ADCY3: variants seen among roughly 807,000 people sequenced by gnomAD.
ADCY3 encodes the protein adenylate cyclase type 3.
A neutral mutation model predicts 119.4 loss-of-function variants in ADCY3; 70 were observed. The ratio of observed to expected loss-of-function variants is 0.59; its 90% confidence interval spans 0.48 to 0.72. The LOEUF (loss-of-function observed/expected upper bound fraction) is 0.72, where lower values mean the gene tolerates loss of function less well. ADCY3 is among the 30% of genes least tolerant of loss of function. The probability of loss-of-function intolerance (pLI) is 0.00; values close to 1 mark genes in which losing one functional copy is unlikely to be tolerated. For missense variants in ADCY3, 1,238 were observed against 1,541.6 expected (o/e 0.80, Z 3.30); for synonymous variants, 672 against 621.4 (o/e 1.08, Z -1.21).
intron 2 of ADCY3, among the ~76,000 whole-genome samples, chr2:24,912,605 ATGTG>A (rs72493229): frequency 3.3e-4 from 13 of 38,848 alleles, no homozygotes; most frequent in African/African-American, 3.3e-3. Context: ...GTGTGTGTGC[ATGTG>A]TGTGTGTGTG....
chr2:24,823,133 T>G, intron 18 of ADCY3, 76 bp downstream of exon 18: 1 of 1,511,388 alleles, frequency 6.6e-7, no homozygotes, highest in Non-Finnish European at 8.9e-7. Context: ...TTCTCTGGCC[T>G]CTGCAGCCTA....
At chr2:24,846,746 T>C (rs1671702557) in intron 3 of ADCY3, among the ~76,000 whole-genome samples, 1 of 152,066 alleles carries the variant, frequency 6.6e-6, no homozygotes, top group East Asian at 1.9e-4. Context: ...GCCCGGCTAA[T>C]TTTTGTATTT....
At chr2:24,820,961 T>C (rs978802013) in intron 20 of ADCY3, 113 bp from the exon 21 acceptor site, 11 of 1,445,882 alleles carry the variant, frequency 7.6e-6, no homozygotes, top group African/African-American at 4.2e-5. Flanking sequence ...AACACATCAT[T>C]GTCCTCATTC....
At position 24,857,898 on chromosome 2, in the gene ADCY3, G is replaced by A. The variant is rs7575342; in HGVS notation, c.825+14672C>T. On this transcript the variant is annotated intron_variant, in intron 3 of 21. Transcript: ENST00000679454. ...CCAGCTCCTGACATAGCACATACTC[G>A]TCTGTTTAATGTGTGTTGCCCACAC... Among the ~76,000 whole-genome samples, 802 of 151,386 alleles carry A rather than the reference G, an allele frequency of 5.3e-3. 6 individuals are homozygous for A. The highest frequency in any genetic ancestry group is 0.019 in the African/African-American group (775 of 41,100).
In ADCY3 at chr2:24,840,075, C is replaced by T. The variant is rs760855870; in HGVS notation, c.1197-44G>A. The T allele has an allele frequency of 3.3e-5, 52 of 1,573,752 alleles. No homozygotes were observed. In the East Asian group the frequency reaches 8.2e-4, roughly 25 times the overall value. On this transcript the variant is annotated intron_variant, in intron 6 of 21. Coordinates refer to ENST00000679454, the MANE Select transcript of ADCY3 (RefSeq NM_004036.5). ...AAGGAGGGTCAGGGTGTGGCCTTCA[C>T]GAGGCAGCCAGCTGCCCCTGCTCCT... is the stretch of plus-strand genomic sequence containing the variant.
intron 3 of ADCY3, among the ~76,000 whole-genome samples, chr2:24,851,887 T>A (rs958232296): frequency 6.6e-6 from 1 of 152,166 alleles, no homozygotes; most frequent in Non-Finnish European, 1.5e-5. Flanking sequence ...CGCGCGTTGT[T>A]CCATTTCTTC....
chr2:24,876,250 A>G (rs564789833), intron 2 of ADCY3, among the ~76,000 whole-genome samples: 1 of 152,340 alleles, frequency 6.6e-6, no homozygotes, highest in East Asian at 1.9e-4. Flanking sequence ...TCAGTTGCCC[A>G]AAACAATGGG....
In ADCY3 at chr2:24,826,094, G is replaced by A. The variant is rs912577401; in HGVS notation, c.2528C>T (p.Thr843Met). Reference sequence around the variant, plus strand: ...GAGCATCATGAGGAACACCATCACCGTCATAGAGTACTTGGAAGGCACCAG... The same window carrying A: ...GAGCATCATGAGGAACACCATCACCATCATAGAGTACTTGGAAGGCACCAG... ...LPLVPSKYSM[T>M]VMVFLMMLSF... is the part of the protein sequence containing the mutation. Residue 843 changes from threonine to methionine, a missense_variant, in exon 16 of 22, where the codon ACG (threonine) becomes ATG (methionine). Around this residue, in one of 7 missense-constraint regions of ADCY3, gnomAD observed 499 missense variants for 571.0 expected, o/e 0.87. Transcript: ENST00000679454. The A allele has an allele frequency of 9.3e-6, 15 of 1,614,110 alleles. No individual in the cohort carries two copies. The highest frequency in any genetic ancestry group is 2.2e-5 in the South Asian group (2 of 91,080).
chr2:24,825,819 C>T, intron 16 of ADCY3: 1 of 568,462 alleles, frequency 1.8e-6, no homozygotes, highest in Non-Finnish European at 3.1e-6. Context: ...ATGCTTCCTT[C>T]ACCATCCTGG....
chr2:24,853,821 G>A (rs1163830589), intron 3 of ADCY3, among the ~76,000 whole-genome samples: 1 of 152,076 alleles, frequency 6.6e-6, no homozygotes, highest in Non-Finnish European at 1.5e-5. Flanking sequence ...CTGGCACTGG[G>A]CATTTCATCG....
At chr2:24,850,826 C>A (rs1022429484) in intron 3 of ADCY3, among the ~76,000 whole-genome samples, 1 of 152,150 alleles carries the variant, frequency 6.6e-6, no homozygotes, top group Admixed American at 6.5e-5. Flanking sequence ...CATAATGAAA[C>A]AACAGTATTG....
At chr2:24,879,501 C>T (rs1457017168) in intron 2 of ADCY3, among the ~76,000 whole-genome samples, 1 of 149,396 alleles carries the variant, frequency 6.7e-6, no homozygotes, top group African/African-American at 2.5e-5. Context: ...ACATACCTCA[C>T]ACAGGGCTTG....
In ADCY3 at chr2:24,820,379, G is replaced by A. The variant is rs1667420120; in HGVS notation, c.3253-265C>T. On this transcript the variant is annotated intron_variant, in intron 21 of 21. Transcript: ENST00000679454. ...CCATGGTCACCTGGGTGGCAGCACT[G>A]TTACCTGGAAACTGCCACTGCCTGC... The A allele has an allele frequency of 6.1e-6, 8 of 1,316,478 alleles. No homozygotes were observed. In the South Asian group the frequency reaches 1.6e-4, roughly 26 times the overall value. The allele number at this position is 1,316,478 out of a possible 1,614,324, so 81.5% of individuals were successfully genotyped here. A position where few individuals can be genotyped will look rare whatever the true frequency, so the allele number is the denominator to read the frequency against.
intron 2 of ADCY3, among the ~76,000 whole-genome samples, chr2:24,913,249 A>G (rs1664019753): frequency 6.6e-6 from 1 of 152,160 alleles, no homozygotes; most frequent in African/African-American, 2.4e-5. Context: ...TCCTGTCCCG[A>G]TTCAGCCCCC....
chr2:24,868,359 A>G (rs1399348891), intron 3 of ADCY3, among the ~76,000 whole-genome samples: 2 of 152,252 alleles, frequency 1.3e-5, no homozygotes, highest in Non-Finnish European at 2.9e-5. Flanking sequence ...TAGGAAAGAA[A>G]GGCTGAAAAT....
At position 24,822,892 on chromosome 2, in the gene ADCY3, C is replaced by T. The variant is rs116997258; in HGVS notation, c.2884-262G>A. 3.5e-4 allele frequency among the ~76,000 whole-genome samples: 53 copies of T among 152,296 alleles called. 2 individuals are homozygous for T. In the East Asian group the frequency reaches 0.01, roughly 29 times the overall value. ...TCCGCGCGTGTGTAAAAGCATTCTC[C>T]CTGGTATACAGGTCACCCAGTCAAT... On this transcript the variant is annotated intron_variant, in intron 18 of 21. Transcript: ENST00000679454.
At chr2:24,837,430 G>C (rs1308946970) in intron 8 of ADCY3, among the ~76,000 whole-genome samples, 2 of 152,206 alleles carry the variant, frequency 1.3e-5, no homozygotes, top group African/African-American at 4.8e-5. Context: ...AGTTGTCAGA[G>C]ACAGCCTTTA....
chr2:24,826,241 C>T (rs959760995), intron 15 of ADCY3, 115 bp from the exon 16 acceptor site: 81 of 916,134 alleles, frequency 8.8e-5, no homozygotes, highest in Admixed American at 2.2e-4. Context: ...GAGCTCACCC[C>T]GGCTCCTTAG....
Position 24,842,684 on chromosome 2 carries a change from AGCAGTCCTGCGTGGGC to A in ADCY3, c.826-316_826-301del, listed in dbSNP as rs1353512413. ...AGCATCCTCGTGCCACAAGAAGCGCAGCAGTCCTGCGTGGGCTGCTGCACCGTGAGCCCTCCCGGCA... is the reference window on the plus strand; with the variant it reads ...AGCATCCTCGTGCCACAAGAAGCGCATGCTGCACCGTGAGCCCTCCCGGCA... On this transcript the variant is annotated intron_variant, in intron 3 of 21. Coordinates refer to ENST00000679454, the MANE Select transcript of ADCY3 (RefSeq NM_004036.5). The surrounding 1 kb of genome is among the most constrained non-coding windows in gnomAD (Gnocchi z 4.9). The A allele has an allele frequency of 2.6e-6, 1 of 389,470 alleles. No homozygotes were observed. Among genetic ancestry groups the A allele is most frequent in the African/African-American group, 2.1e-5 (1 of 48,618 alleles). The allele number at this position is 389,470 out of a possible 1,614,324, so 24.1% of individuals were successfully genotyped here. A position where few individuals can be genotyped will look rare whatever the true frequency, so the allele number is the denominator to read the frequency against.
Sources: allele counts gnomAD v4.1 joint callset (sites outside exome capture counted in the v4.1 genomes callset), GRCh38; gene constraint gnomAD v4.1.1; regional missense constraint gnomAD v4.1.1; non-coding constraint Gnocchi (gnomAD v3.1); transcripts MANE v1.5; gene names NCBI Gene and HGNC (gene_info 2026-07-23, HGNC 2026-07-21).